Variants in BYSL observed in about 807,000 individuals in gnomAD.
The protein encoded by BYSL is bystin.
In BYSL, 21 loss-of-function variants were observed where a neutral mutation model predicts 45.4. The observed-to-expected ratio is 0.46, with a 90% CI of 0.33 to 0.67. BYSL has a LOEUF of 0.67. Among genes scored for constraint, BYSL ranks in the 30% least tolerant of loss-of-function variants. BYSL has a pLI of 0.02. For synonymous variants in BYSL, 215 were observed against 231.3 expected, an observed-to-expected ratio of 0.93 and a Z score of 0.64; for missense variants, 522 against 578.5, an observed-to-expected ratio of 0.90 and a Z score of 1.00.
At chr6:41,930,495 G>A (rs1001409058) in intron 3 of BYSL, 140 bp from the exon 4 acceptor site, 1 of 1,275,112 alleles carries the variant, frequency 7.8e-7, no homozygotes, top group Non-Finnish European at 1.1e-6. Context: ...TGTAAAATGA[G>A]CATAATAATG....
upstream of BYSL, among the ~76,000 whole-genome samples, chr6:41,919,179 G>A (rs1417431708): frequency 2.0e-5 from 3 of 149,372 alleles, no homozygotes; most frequent in Non-Finnish European, 3.0e-5. Flanking sequence ...AGCACAAAGA[G>A]GTTAAATAAC....
the BYSL span, chr6:41,909,359 C>T: frequency 6.2e-7 from 1 of 1,614,182 alleles, no homozygotes; most frequent in South Asian, 1.1e-5. Flanking sequence ...TGCCCCGGGT[C>T]TCAATCTTGC....
Position 41,932,620 on chromosome 6 carries a change from C to G in BYSL, c.1228C>G (p.His410Asp). 1.2e-6 allele frequency: 2 copies of G among 1,614,222 alleles called. No homozygotes were observed. Among genetic ancestry groups the G allele is most frequent in the Non-Finnish European group, 1.7e-6 (2 of 1,180,030 alleles). The change falls in exon 7 of 7, where the codon CAT becomes GAT. Residue 410 changes from histidine (H) to aspartate (D), a missense_variant. Transcript: ENST00000230340. The surrounding 1 kb of genome is among the most constrained non-coding windows in gnomAD (Gnocchi z 4.7). ...CTTAGAACTGCTCCGGCTGCAGCCC[C>G]ATCCACAGCTATCGCCCGAAATCAG... ...ALLELLRLQP[H>D]PQLSPEIRRE...
upstream of BYSL, chr6:41,917,385 G>A (rs1176006637): frequency 5.6e-6 from 1 of 177,474 alleles, no homozygotes; most frequent in Non-Finnish European, 1.2e-5. Flanking sequence ...GGGCGACAGG[G>A]CGAGACGCCA....
chr6:41,927,730 G>A, intron 2 of BYSL, 194 bp downstream of exon 2: 1 of 599,296 alleles, frequency 1.7e-6, no homozygotes, highest in Non-Finnish European at 2.8e-6. Context: ...AAAAAACATT[G>A]TGTCCTTATG....
Position 41,932,927 on chromosome 6 carries a change from C to A in BYSL, c.*221C>A. On this transcript the variant is annotated 3_prime_UTR_variant, in exon 7 of 7. Coordinates refer to ENST00000230340, the MANE Select transcript of BYSL (RefSeq NM_004053.4). The surrounding 1 kb of genome is among the most constrained non-coding windows in gnomAD (Gnocchi z 4.7). ...CTTATCCCTGTTTAGTTCTGAGAGCCAACTTGAGATACCATATGCTAGCAT... is the reference window on the plus strand; with the variant it reads ...CTTATCCCTGTTTAGTTCTGAGAGCAAACTTGAGATACCATATGCTAGCAT... 1 of 550,526 alleles carries A rather than the reference C, an allele frequency of 1.8e-6. No homozygotes were observed. Among genetic ancestry groups the A allele is most frequent in the Non-Finnish European group, 3.2e-6 (1 of 316,314 alleles). 34.1% of individuals were successfully genotyped at this position (550,526 alleles called of 1,614,324 possible).
At chr6:41,928,764 C>G (rs554862219) in intron 2 of BYSL, among the ~76,000 whole-genome samples, 140 of 152,286 alleles carry the variant, frequency 9.2e-4, no homozygotes, top group African/African-American at 3.1e-3. Flanking sequence ...GAGTTTGACT[C>G]TTACCCCCAC....
At chr6:41,909,217 T>G in the BYSL span, 1 of 1,574,904 alleles carries the variant, frequency 6.3e-7, no homozygotes. Context: ...CAGAGCCCTT[T>G]GCTAAGCAGC....
intron 1 of BYSL, among the ~76,000 whole-genome samples, chr6:41,925,199 A>G (rs547096981): frequency 1.7e-4 from 26 of 152,288 alleles, no homozygotes; most frequent in Admixed American, 1.2e-3. Flanking sequence ...CGTGGAGACA[A>G]AATGTCTGTT....
At chr6:41,922,793 G>C (rs771534930) in intron 1 of BYSL, among the ~76,000 whole-genome samples, 2 of 152,132 alleles carry the variant, frequency 1.3e-5, no homozygotes, top group Non-Finnish European at 2.9e-5. Flanking sequence ...AAATCTAACA[G>C]ACAGCTCAAA....
chr6:41,929,520 T>TC (rs978037600), intron 2 of BYSL, among the ~76,000 whole-genome samples: 2 of 152,070 alleles, frequency 1.3e-5, no homozygotes, highest in African/African-American at 4.8e-5. Flanking sequence ...TAAATACACT[T>TC]CAGCAGCCTC....
At chr6:41,924,544 C>T (rs559959278) in intron 1 of BYSL, among the ~76,000 whole-genome samples, 1 of 152,252 alleles carries the variant, frequency 6.6e-6, no homozygotes. Context: ...GGATATATTG[C>T]CAGCACCCCG....
intron 1 of BYSL, 81 bp from the exon 2 acceptor site, chr6:41,927,293 T>C: frequency 6.5e-7 from 1 of 1,538,802 alleles, no homozygotes; most frequent in South Asian, 1.2e-5. Flanking sequence ...AGGCCTGTAC[T>C]ACATAATGGC....
In BYSL at chr6:41,921,527, C is replaced by T. The variant is rs773992123; in HGVS notation, c.-36C>T. The T allele has an allele frequency of 6.5e-7, 1 of 1,544,894 alleles. No homozygotes were observed. Among genetic ancestry groups the T allele is most frequent in the Non-Finnish European group, 8.7e-7 (1 of 1,144,498 alleles). ...CGCATCCTGGCCTTTCTTCAGTCCC[C>T]ACGTGCGATCCTTCCCGGCAACTTT... On this transcript the variant is annotated 5_prime_UTR_variant, in exon 1 of 7. Transcript: ENST00000230340.
chr6:41,917,392 G>A (rs992953866), upstream of BYSL: 1 of 174,966 alleles, frequency 5.7e-6, no homozygotes, highest in Admixed American at 5.4e-5. Flanking sequence ...AGGGCGAGAC[G>A]CCATCTTAAA....
At chr6:41,920,815 T>C (rs1582067537), upstream of BYSL, 1 of 584,320 alleles carries the variant, frequency 1.7e-6, no homozygotes, top group South Asian at 3.4e-5. Flanking sequence ...CTTTCCCGCC[T>C]TCCAAGAGGA....
At chr6:41,913,417 G>A in the BYSL span, among the ~76,000 whole-genome samples, 3 of 152,276 alleles carry the variant, frequency 2.0e-5, no homozygotes, top group East Asian at 1.9e-4. Flanking sequence ...GCCCACACCA[G>A]GTAGTTTCAC....
chr6:41,932,730 C>G lies in BYSL; in HGVS notation c.*24C>G. 1 of 1,584,760 alleles carries G rather than the reference C, an allele frequency of 6.3e-7. No individual in the cohort carries two copies. The highest frequency in any genetic ancestry group is 1.3e-5 in the African/African-American group (1 of 74,458). Reference sequence around the variant, plus strand: ...GAGGAAAACAGTCAGCTGTCCTGGCCAAAGGGGTTTGGAAGGACACCAAGA... The same window carrying G: ...GAGGAAAACAGTCAGCTGTCCTGGCGAAAGGGGTTTGGAAGGACACCAAGA... On this transcript the variant is annotated 3_prime_UTR_variant, in exon 7 of 7. Transcript: ENST00000230340. The surrounding 1 kb of genome is among the most constrained non-coding windows in gnomAD (Gnocchi z 4.7).
intron 1 of BYSL, among the ~76,000 whole-genome samples, chr6:41,923,363 C>T (rs548701378): frequency 4.5e-4 from 67 of 149,800 alleles, no homozygotes; most frequent in African/African-American, 1.6e-3. Context: ...GTGGCGCAAT[C>T]TTGGCTCACT....
Sources: allele counts gnomAD v4.1 joint callset (sites outside exome capture counted in the v4.1 genomes callset), GRCh38; gene constraint gnomAD v4.1.1; non-coding constraint Gnocchi (gnomAD v3.1); transcripts MANE v1.5; gene names NCBI Gene and HGNC (gene_info 2026-07-23, HGNC 2026-07-21).